Variants in FRMD5 observed in about 807,000 individuals in gnomAD.
FRMD5 encodes the protein FERM domain-containing protein 5.
In FRMD5, 20 loss-of-function variants were observed where a neutral mutation model predicts 69.0. The observed-to-expected ratio is 0.29, with a 90% CI of 0.20 to 0.42. The LOEUF (loss-of-function observed/expected upper bound fraction) is 0.42, where lower values mean the gene tolerates loss of function less well. Among genes scored for constraint, FRMD5 ranks in the 10% least tolerant of loss-of-function variants. The pLI, the probability that FRMD5 is intolerant of heterozygous loss-of-function variation, is 1.00. For missense variants in FRMD5, 595 were observed against 708.6 expected, an observed-to-expected ratio of 0.84 and a Z score of 1.82; for synonymous variants, 271 against 260.1, an observed-to-expected ratio of 1.04 and a Z score of -0.40.
chr15:44,196,439 T>C (rs2078298401), upstream of FRMD5, among the ~76,000 whole-genome samples: 1 of 151,356 alleles, frequency 6.6e-6, no homozygotes, highest in Admixed American at 6.6e-5. Context: ...CACTCCAGCC[T>C]GGGGGACAAG....
At chr15:44,094,925 T>G (rs1465726533) in intron 1 of FRMD5, among the ~76,000 whole-genome samples, 19 of 152,074 alleles carry the variant, frequency 1.2e-4, no homozygotes. Flanking sequence ...TTTGACAAAA[T>G]TATTATATCC....
At chr15:43,897,171 T>C (rs1383783471) in intron 7 of FRMD5, among the ~76,000 whole-genome samples, 1 of 152,090 alleles carries the variant, frequency 6.6e-6, no homozygotes, top group Admixed American at 6.5e-5. Context: ...CAGCCATCAT[T>C]GATCCTTCTT....
chr15:43,942,060 T>C (rs1473705510), intron 1 of FRMD5, among the ~76,000 whole-genome samples: 2 of 152,200 alleles, frequency 1.3e-5, no homozygotes, highest in Non-Finnish European at 2.9e-5. Flanking sequence ...TTAAGGATAT[T>C]GTTAGAAAAA....
chr15:44,037,647 T>C (rs1426363956), intron 1 of FRMD5, among the ~76,000 whole-genome samples: 1 of 150,306 alleles, frequency 6.7e-6, no homozygotes, highest in Non-Finnish European at 1.5e-5. Flanking sequence ...TTTTTTTTTA[T>C]AGTTTTAGTA....
chr15:44,112,688 A>G (rs115308324), intron 1 of FRMD5, among the ~76,000 whole-genome samples: 2,687 of 152,006 alleles, frequency 0.018, 85 homozygotes, highest in African/African-American at 0.062. Flanking sequence ...GATGGTCTCG[A>G]TCTCATCGAG....
At chr15:43,874,575 C>T in intron 13 of FRMD5, 113 bp from the exon 14 acceptor site, 1 of 729,564 alleles carries the variant, frequency 1.4e-6, no homozygotes, top group Non-Finnish European at 2.4e-6. Flanking sequence ...TGACCAGCAG[C>T]AGTAGCCACT....
intron 1 of FRMD5, among the ~76,000 whole-genome samples, chr15:44,094,102 G>C (rs981247181): frequency 5.9e-5 from 9 of 152,056 alleles, no homozygotes; most frequent in Non-Finnish European, 1.0e-4. Flanking sequence ...CTCAAGCCAG[G>C]CCAGTCAGAT....
chr15:43,958,370 C>T (rs901024978), intron 1 of FRMD5, among the ~76,000 whole-genome samples: 5 of 152,086 alleles, frequency 3.3e-5, no homozygotes, highest in Non-Finnish European at 7.4e-5. Context: ...AGGCAAAAGA[C>T]AGAAGAGAAA....
chr15:44,123,349 A>AC (rs1391380834), intron 1 of FRMD5, among the ~76,000 whole-genome samples: 1 of 151,654 alleles, frequency 6.6e-6, no homozygotes, highest in Non-Finnish European at 1.5e-5. Flanking sequence ...CATCTCAAAA[A>AC]AAAAAAGTGA....
intron 5 of FRMD5, among the ~76,000 whole-genome samples, chr15:43,906,829 C>T (rs1288468801): frequency 4.0e-5 from 6 of 150,750 alleles, no homozygotes; most frequent in Non-Finnish European, 7.4e-5. Context: ...TCTCGATCTC[C>T]TGACCTCGTG....
intron 1 of FRMD5, among the ~76,000 whole-genome samples, chr15:43,991,229 T>C (rs1289756147): frequency 6.6e-6 from 1 of 152,212 alleles, no homozygotes; most frequent in Non-Finnish European, 1.5e-5. Flanking sequence ...AAATTGTTCT[T>C]TGCTTTGCAC....
intron 1 of FRMD5, among the ~76,000 whole-genome samples, chr15:44,137,887 C>T (rs1025411527): frequency 1.3e-5 from 2 of 152,004 alleles, no homozygotes; most frequent in African/African-American, 4.8e-5. Flanking sequence ...AGGAAGTGGG[C>T]AGCACTCCAG....
chr15:44,173,729 G>C (rs1380570336), intron 1 of FRMD5, among the ~76,000 whole-genome samples: 2 of 152,010 alleles, frequency 1.3e-5, no homozygotes, highest in African/African-American at 4.8e-5. Context: ...GCCCAGGCTG[G>C]TCTCGAACTC....
chr15:44,153,645 A>G lies in FRMD5; in HGVS notation c.102+41308T>C, dbSNP rs531235743. ...TGGTGGTAATGGTTGCACATTATGAATGTATTTCATCTGACTGGACTGTAC... is the reference window on the plus strand; with the variant it reads ...TGGTGGTAATGGTTGCACATTATGAGTGTATTTCATCTGACTGGACTGTAC... On this transcript the variant is annotated intron_variant, in intron 1 of 13. Coordinates refer to ENST00000417257, the MANE Select transcript of FRMD5 (RefSeq NM_032892.5). Among the ~76,000 whole-genome samples the G allele has an allele frequency of 2.6e-5, 4 of 152,348 alleles. No homozygotes were observed. The South Asian group carries it at 8.3e-4, about 32-fold the overall frequency.
chr15:43,903,595 CT>C (rs1185194415), intron 6 of FRMD5, among the ~76,000 whole-genome samples: 3 of 152,192 alleles, frequency 2.0e-5, no homozygotes, highest in Non-Finnish European at 4.4e-5. Context: ...TGAATAAAGA[CT>C]TCTGCATCCA....
intron 1 of FRMD5, among the ~76,000 whole-genome samples, chr15:44,096,206 C>CAAAA (rs1213347011): frequency 2.9e-4 from 14 of 47,876 alleles, no homozygotes; most frequent in South Asian, 1.8e-3. Context: ...AACTCCATCT[C>CAAAA]AAAAAAAAAA....
intron 1 of FRMD5, among the ~76,000 whole-genome samples, chr15:44,003,570 T>A (rs1890307752): frequency 6.6e-6 from 1 of 152,210 alleles, no homozygotes; most frequent in African/African-American, 2.4e-5. Context: ...AATAGCCTCC[T>A]TGCTATTTGT....
chr15:44,080,542 T>C (rs2140444916), intron 1 of FRMD5, among the ~76,000 whole-genome samples: 1 of 152,216 alleles, frequency 6.6e-6, no homozygotes, highest in South Asian at 2.1e-4. Context: ...ACTACTCAGA[T>C]CTGGGGCTTA....
intron 6 of FRMD5, among the ~76,000 whole-genome samples, 166 bp from the exon 7 acceptor site, chr15:43,902,428 TCTGA>T (rs1316402020): frequency 6.6e-6 from 1 of 152,174 alleles, no homozygotes; most frequent in Admixed American, 6.5e-5. Context: ...TGCTAGAGTC[TCTGA>T]CTGTCTTCAA....
Sources: gnomAD v4.1 joint callset for allele counts (sites outside exome capture counted in the v4.1 genomes callset) on GRCh38, gnomAD v4.1.1 for gene constraint, MANE v1.5 for transcripts, NCBI Gene and HGNC (gene_info 2026-07-23, HGNC 2026-07-21) for gene names.